The following STK38 variants were observed in gnomAD, a reference collection of about 807,000 sequenced individuals.
The protein encoded by STK38 is serine/threonine kinase 38.
A neutral mutation model predicts 59.0 loss-of-function variants in STK38; 26 were observed. The observed-to-expected ratio is 0.44, with a 90% CI of 0.32 to 0.61. STK38 has a LOEUF of 0.61. Ranked by LOEUF, STK38 falls within the 20% of genes least tolerant of loss-of-function variation. STK38 has a pLI of 0.04. For synonymous variants in STK38, 175 were observed against 176.6 expected, an observed-to-expected ratio of 0.99 and a Z score of 0.07; for missense variants, 433 against 566.0, an observed-to-expected ratio of 0.76 and a Z score of 2.38.
intron 9 of STK38, among the ~76,000 whole-genome samples, chr6:36,504,715 A>G (rs77171963): frequency 0.053 from 8,069 of 152,154 alleles, 303 homozygotes; most frequent in South Asian, 0.14. Context: ...TGCAAATACG[A>G]AAATTGTGAA....
At chr6:36,522,552 T>C (rs192512679) in intron 4 of STK38, 1 of 151,458 alleles carries the variant, frequency 6.6e-6, no homozygotes, top group East Asian at 1.9e-4. Flanking sequence ...GAAAAACGTC[T>C]GGAAAGAAAA....
chr6:36,513,082 C>T (rs111800900), intron 7 of STK38, among the ~76,000 whole-genome samples: 8,862 of 151,786 alleles, frequency 0.058, 592 homozygotes, highest in Admixed American at 0.17. Context: ...TGCAGTGGTA[C>T]GATCTCAGCT....
chr6:36,513,280 A>T (rs1777156582), intron 7 of STK38, among the ~76,000 whole-genome samples: 1 of 148,578 alleles, frequency 6.7e-6, no homozygotes. Flanking sequence ...GGCCTCCCAA[A>T]GTGCTGGGAT....
At chr6:36,530,113 T>C (rs999015931) in intron 2 of STK38, among the ~76,000 whole-genome samples, 1 of 151,848 alleles carries the variant, frequency 6.6e-6, no homozygotes, top group African/African-American at 2.4e-5. Context: ...TGGTGGCACG[T>C]GCCTGTAATC....
At chr6:36,503,535 T>C (rs1048127387) in intron 9 of STK38, among the ~76,000 whole-genome samples, 31 of 152,168 alleles carry the variant, frequency 2.0e-4, no homozygotes, top group African/African-American at 7.2e-4. Context: ...AAAACTGACA[T>C]GTGGATTAGG....
intron 7 of STK38, among the ~76,000 whole-genome samples, chr6:36,510,483 A>T (rs1402961108): frequency 1.3e-5 from 2 of 152,174 alleles, no homozygotes; most frequent in African/African-American, 2.4e-5. Flanking sequence ...GTGGTTGGGC[A>T]ACTGCAACTG....
At chr6:36,497,699 C>T in intron 12 of STK38, 81 bp downstream of exon 12, 3 of 1,156,940 alleles carry the variant, frequency 2.6e-6, no homozygotes, top group Non-Finnish European at 2.5e-6. Flanking sequence ...ACTTGGCTTG[C>T]CAATGATGGT....
rs1283303856 is a variant in STK38, at chr6:36,493,976, A to G, written c.*1808T>C. ...ACAAATCATCCCCTGCCACTCCCCA[A>G]CACAAAGACTCTCCCAACACCGCAG... On this transcript the variant is annotated 3_prime_UTR_variant, in exon 14 of 14. Coordinates refer to ENST00000229812, the MANE Select transcript of STK38 (RefSeq NM_007271.4). The G allele has an allele frequency of 6.6e-6, 1 of 152,226 alleles. No homozygotes were observed. The highest frequency in any genetic ancestry group is 6.6e-5 in the Admixed American group (1 of 15,266). 9.4% of individuals were successfully genotyped at this position (152,226 alleles called of 1,614,324 possible).
At chr6:36,497,282 G>A (rs1776726757) in intron 12 of STK38, among the ~76,000 whole-genome samples, 3 of 152,254 alleles carry the variant, frequency 2.0e-5, no homozygotes. Context: ...AATGCTGAAT[G>A]AGAAGGTCTG....
intron 9 of STK38, among the ~76,000 whole-genome samples, chr6:36,502,290 G>A (rs1377272191): frequency 1.3e-5 from 2 of 152,178 alleles, no homozygotes; most frequent in Non-Finnish European, 2.9e-5. Flanking sequence ...CTGTAGGGAT[G>A]TGCCAGCATG....
At chr6:36,530,877 A>C (rs534147602) in intron 2 of STK38, among the ~76,000 whole-genome samples, 37 of 151,498 alleles carry the variant, frequency 2.4e-4, no homozygotes, top group Non-Finnish European at 4.4e-4. Flanking sequence ...TTTAGTAGAC[A>C]CGGGGTTTCA....
intron 7 of STK38, among the ~76,000 whole-genome samples, chr6:36,512,718 G>C (rs908971950): frequency 6.6e-6 from 1 of 151,942 alleles, no homozygotes; most frequent in African/African-American, 2.4e-5. Flanking sequence ...GGAGTGCAGT[G>C]GCACGATCTT....
At chr6:36,543,133 C>T (rs1046479724) in intron 1 of STK38, among the ~76,000 whole-genome samples, 3 of 150,982 alleles carry the variant, frequency 2.0e-5, no homozygotes, top group Admixed American at 6.6e-5. Context: ...GGCGCGATCT[C>T]GGCTCACTCC....
chr6:36,546,111 C>T (rs560994442), intron 1 of STK38, among the ~76,000 whole-genome samples: 1 of 152,300 alleles, frequency 6.6e-6, no homozygotes, highest in Non-Finnish European at 1.5e-5. Context: ...ACTGTAAATC[C>T]TACTAAACTG....
chr6:36,525,848 G>T (rs1427387460), intron 2 of STK38, among the ~76,000 whole-genome samples: 3 of 151,674 alleles, frequency 2.0e-5, no homozygotes, highest in Non-Finnish European at 4.4e-5. Flanking sequence ...TTGGCGGGGG[G>T]AGGGGGGCAG....
At position 36,527,207 on chromosome 6, in the gene STK38, A is replaced by AATAT. The variant is rs1554168829; in HGVS notation, c.132-1569_132-1566dup. Among the ~76,000 whole-genome samples the AATAT allele has an allele frequency of 2.3e-3, 275 of 119,322 alleles. 3 individuals are homozygous for AATAT. The highest frequency in any genetic ancestry group is 6.9e-3 in the South Asian group (28 of 4,066). 78.3% of individuals were successfully genotyped at this position (119,322 alleles called of 152,430 possible). On this transcript the variant is annotated intron_variant, in intron 2 of 13. Coordinates refer to ENST00000229812, the MANE Select transcript of STK38 (RefSeq NM_007271.4). Reference sequence around the variant, plus strand: ...ACTCCGTCTCAAAAAAAAAAAAAAAAATATATGTATATATATATATATTTA... The same window carrying AATAT: ...ACTCCGTCTCAAAAAAAAAAAAAAAAATATATATATGTATATATATATATATTTA...
chr6:36,509,518 G>GT (rs893245298), intron 7 of STK38, among the ~76,000 whole-genome samples: 4 of 149,780 alleles, frequency 2.7e-5, no homozygotes, highest in African/African-American at 9.8e-5. Flanking sequence ...ACAAGGGGAT[G>GT]TAAAGAAACT....
Position 36,515,068 on chromosome 6 carries a change from G to A in STK38, c.669+270C>T, listed in dbSNP as rs564120772. The stretch of plus-strand genomic sequence containing the variant: ...ATGCTAAGAGAAGGTGACTATCTTT[G>A]GCTTTATTACAAAATTGCCCTCTAC... On this transcript the variant is annotated intron_variant, in intron 7 of 13. Coordinates refer to ENST00000229812, the MANE Select transcript of STK38 (RefSeq NM_007271.4). Among the ~76,000 whole-genome samples, 4 of 152,008 alleles carry A rather than the reference G, an allele frequency of 2.6e-5. No homozygotes were observed. The East Asian group carries it at 7.7e-4, about 29-fold the overall frequency.
chr6:36,536,857 T>C (rs6912982), intron 2 of STK38, among the ~76,000 whole-genome samples: 36,072 of 151,680 alleles, frequency 0.24, 4,517 homozygotes, highest in East Asian at 0.39. Context: ...ATTTTTTTTT[T>C]TTAAAGAAGA....
Sources: gnomAD v4.1 joint callset for allele counts (sites outside exome capture counted in the v4.1 genomes callset) on GRCh38, gnomAD v4.1.1 for gene constraint, MANE v1.5 for transcripts, NCBI Gene and HGNC (gene_info 2026-07-23, HGNC 2026-07-21) for gene names.